Variants in TAFA5 observed in about 807,000 individuals in gnomAD.
TAFA5 encodes the protein chemokine-like protein TAFA-5.
In TAFA5, 6 loss-of-function variants were observed where a neutral mutation model predicts 15.3. The observed-to-expected ratio is 0.39, with a 90% CI of 0.21 to 0.77. The LOEUF (loss-of-function observed/expected upper bound fraction) is 0.77, where lower values mean the gene tolerates loss of function less well. Ranked by LOEUF, TAFA5 falls within the 30% of genes least tolerant of loss-of-function variation. The pLI, the probability that TAFA5 is intolerant of heterozygous loss-of-function variation, is 0.41. For synonymous variants in TAFA5, 103 were observed against 80.7 expected (o/e 1.28, Z -1.48); for missense variants, 161 against 193.1 (o/e 0.83, Z 0.98).
chr22:48,667,106 ACCC>A (rs1213235065), intron 2 of TAFA5, among the ~76,000 whole-genome samples: 1 of 151,888 alleles, frequency 6.6e-6, no homozygotes, highest in Non-Finnish European at 1.5e-5. Context: ...CCCGACCCTC[ACCC>A]CTCCCAGCAT....
intron 1 of TAFA5, among the ~76,000 whole-genome samples, chr22:48,606,547 T>G (rs1001509257): frequency 1.3e-5 from 2 of 152,254 alleles, no homozygotes; most frequent in Non-Finnish European, 2.9e-5. Context: ...GAGTGGCTAC[T>G]AGAGTGGTGG....
At chr22:48,734,296 G>A (rs970401023) in intron 3 of TAFA5, among the ~76,000 whole-genome samples, 1 of 152,220 alleles carries the variant, frequency 6.6e-6, no homozygotes, top group Non-Finnish European at 1.5e-5. Flanking sequence ...CATGGGGAGT[G>A]GAGGGCGAAA....
intron 1 of TAFA5, among the ~76,000 whole-genome samples, chr22:48,524,263 G>A (rs1056025160): frequency 6.6e-6 from 1 of 152,210 alleles, no homozygotes; most frequent in Non-Finnish European, 1.5e-5. Context: ...ACAGTGTGGG[G>A]GCTGGTGGGA....
intron 2 of TAFA5, among the ~76,000 whole-genome samples, chr22:48,697,657 G>A (rs966446095): frequency 6.6e-6 from 1 of 150,694 alleles, no homozygotes; most frequent in African/African-American, 2.5e-5. Flanking sequence ...TGATGGTAAT[G>A]GTGATAGTGC....
intron 1 of TAFA5, chr22:48,543,344 A>G (rs1922531591): frequency 6.6e-6 from 1 of 152,196 alleles, no homozygotes; most frequent in African/African-American, 2.4e-5. Context: ...CGTAAAGTGT[A>G]ATCACGGCAA....
intron 3 of TAFA5, among the ~76,000 whole-genome samples, chr22:48,715,338 A>ACGTAGAGGCCGCAAGGAGT (rs1357797957): frequency 1.3e-5 from 2 of 152,212 alleles, no homozygotes; most frequent in Admixed American, 6.5e-5. Context: ...GGAGCGAGGA[A>ACGTAGAGGCCGCAAGGAGT]CGTAGAGGCC....
intron 3 of TAFA5, among the ~76,000 whole-genome samples, chr22:48,733,557 G>C (rs1929926129): frequency 6.6e-6 from 1 of 152,246 alleles, no homozygotes; most frequent in Non-Finnish European, 1.5e-5. Flanking sequence ...CTTGTTACTT[G>C]CAGGTGAGGT....
intron 1 of TAFA5, chr22:48,545,765 T>C (rs1922642687): frequency 6.6e-6 from 1 of 152,398 alleles, no homozygotes; most frequent in South Asian, 2.1e-4. Flanking sequence ...CCCAAGGAGA[T>C]TGTCGCCTGG....
chr22:48,661,167 T>C (rs527934166), intron 2 of TAFA5, among the ~76,000 whole-genome samples: 1 of 152,270 alleles, frequency 6.6e-6, no homozygotes, highest in South Asian at 2.1e-4. Context: ...CACACTGCAG[T>C]TGGGGTCACT....
At chr22:48,747,820 G>C (rs763227258) in intron 3 of TAFA5, among the ~76,000 whole-genome samples, 3 of 151,234 alleles carry the variant, frequency 2.0e-5, no homozygotes, top group South Asian at 2.1e-4. Context: ...TCACTTGAAC[G>C]GGGGAGGCAG....
intron 1 of TAFA5, among the ~76,000 whole-genome samples, chr22:48,537,934 C>T (rs1188763130): frequency 6.6e-6 from 1 of 152,186 alleles, no homozygotes. Context: ...CGATGCCTTC[C>T]ATTCCCCCGT....
intron 2 of TAFA5, among the ~76,000 whole-genome samples, chr22:48,698,837 C>T (rs1009470983): frequency 7.9e-5 from 12 of 151,470 alleles, no homozygotes; most frequent in Admixed American, 3.3e-4. Flanking sequence ...GAGACCCTTC[C>T]AGCCTGGCCC....
At chr22:48,580,004 G>A (rs149155262) in intron 1 of TAFA5, among the ~76,000 whole-genome samples, 43 of 152,294 alleles carry the variant, frequency 2.8e-4, no homozygotes, top group Non-Finnish European at 4.4e-4. Flanking sequence ...CGGCTTGAAC[G>A]TGCTGTGCAA....
At chr22:48,731,941 T>A (rs60686173) in intron 3 of TAFA5, among the ~76,000 whole-genome samples, 3,815 of 152,292 alleles carry the variant, frequency 0.025, 150 homozygotes, top group African/African-American at 0.085. Context: ...CTGGGCAAAG[T>A]CAAATGCAAA....
Position 48,584,941 on chromosome 22 carries a change from A to C in TAFA5, c.113-61656A>C, listed in dbSNP as rs563936188. On this transcript the variant is annotated intron_variant, in intron 1 of 3. Transcript: ENST00000402357. The stretch of plus-strand genomic sequence containing the variant: ...CACACACACACACAAAATACACTGC[A>C]CTGATATCACACACACACCACACAG... 2.2e-5 allele frequency among the ~76,000 whole-genome samples: 3 copies of C among 137,362 alleles called. No homozygotes were observed. In the East Asian group the frequency reaches 5.9e-4, roughly 27 times the overall value. 90.1% of individuals were successfully genotyped at this position (137,362 alleles called of 152,430 possible). A position where few individuals can be genotyped will look rare whatever the true frequency, so the allele number is the denominator to read the frequency against.
Position 48,627,829 on chromosome 22 carries a change from TG to T in TAFA5, c.113-18765del, listed in dbSNP as rs1411725204. On this transcript the variant is annotated intron_variant, in intron 1 of 3. Transcript: ENST00000402357. ...GGGGGAGGGAGGCACAGGCCTGGCC[TG>T]GGCACTGAGGCTGCCCGTGGAGTCC... Among the ~76,000 whole-genome samples, 4 of 152,342 alleles carry T rather than the reference TG, an allele frequency of 2.6e-5. No homozygotes were observed. In the East Asian group the frequency reaches 7.7e-4, roughly 29 times the overall value.
At chr22:48,559,949 C>T (rs1375877368) in intron 1 of TAFA5, among the ~76,000 whole-genome samples, 10 of 152,158 alleles carry the variant, frequency 6.6e-5, no homozygotes, top group Non-Finnish European at 1.2e-4. Flanking sequence ...CAGCCTGGCA[C>T]GGGAGGACCT....
rs1265192042 is a variant in TAFA5 at position 48,600,964 on chromosome 22, G to A, written c.113-45633G>A. Among the ~76,000 whole-genome samples, 5 of 152,192 alleles carry A rather than the reference G, an allele frequency of 3.3e-5. No homozygotes were observed. The East Asian group carries it at 5.8e-4, about 18-fold the overall frequency. ...CCCCCGGCTCCCTCTCCGCGGTCAC[G>A]GTGCTCACGTCGTTCAGCCGGCTTC... On this transcript the variant is annotated intron_variant, in intron 1 of 3. Coordinates refer to ENST00000402357, the MANE Select transcript of TAFA5 (RefSeq NM_001082967.3).
intron 1 of TAFA5, among the ~76,000 whole-genome samples, chr22:48,591,853 C>CG (rs1329020879): frequency 2.6e-5 from 4 of 152,204 alleles, no homozygotes; most frequent in Admixed American, 6.5e-5. Flanking sequence ...ACCTCCCCCA[C>CG]GGAGTCTCCC....
Sources: gnomAD v4.1 joint callset for allele counts (sites outside exome capture counted in the v4.1 genomes callset) on GRCh38, gnomAD v4.1.1 for gene constraint, MANE v1.5 for transcripts, NCBI Gene and HGNC (gene_info 2026-07-23, HGNC 2026-07-21) for gene names.